The following IQCE variants were observed in gnomAD, a reference collection of about 807,000 sequenced individuals.
IQCE encodes the protein IQ motif containing E.
IQCE carries 115 observed loss-of-function variants against 96.0 expected under a neutral mutation model. The ratio of observed to expected loss-of-function variants is 1.20; its 90% CI spans 1.03 to 1.40. The LOEUF is 1.40. Among genes scored for constraint, IQCE ranks in the 40% most tolerant of loss-of-function variants. IQCE has a pLI of 0.00. For missense variants in IQCE, 1,041 were observed against 909.1 expected, an observed-to-expected ratio of 1.15 and a Z score of -1.87; for synonymous variants, 412 against 371.2, an observed-to-expected ratio of 1.11 and a Z score of -1.26.
At position 2,601,453 on chromosome 7, in the gene IQCE, G is replaced by A. The variant is rs1784426400; in HGVS notation, c.1621G>A (p.Val541Ile). Residue 541 changes from valine (V) to isoleucine (I), a missense_variant, in exon 18 of 22, where the codon GTT (valine) becomes ATT (isoleucine). Coordinates refer to ENST00000402050, the MANE Select transcript of IQCE (RefSeq NM_152558.5). ...TTTTTTTTTCCAGAAAAAAAAGGCT[G>A]TTCTGGATGAGGTAAGCGAGGTTTA... ...KVYKHKKKKA[V>I]LDEAAVVLQA... is the part of the protein sequence containing the mutation. The A allele has an allele frequency of 3.2e-6, 5 of 1,576,610 alleles. No individual in the cohort carries two copies. The South Asian group carries it at 4.5e-5, about 14-fold the overall frequency.
At chr7:2,603,079 A>T (rs537367740) in intron 18 of IQCE, among the ~76,000 whole-genome samples, 23 of 152,212 alleles carry the variant, frequency 1.5e-4, no homozygotes, top group African/African-American at 5.1e-4. Context: ...ACCCTTGTCC[A>T]TACCCATCTC....
chr7:2,572,326 G>T lies in IQCE; in HGVS notation c.394G>T (p.Gly132Cys). The stretch of plus-strand genomic sequence containing the variant: ...ACATCTCAGGCGCTCTGCCAGCAAC[G>T]GTGAGCATGCCGATGGTGGCGAGGC... The part of the protein sequence containing the change: ...RPHLRRSASN[G>C]HVPGTPVYRE... Residue 132 changes from glycine to cysteine, a missense_variant and splice_region_variant, in exon 5 of 22, where the codon GGT (glycine) becomes TGT (cysteine). Coordinates refer to ENST00000402050, the MANE Select transcript of IQCE (RefSeq NM_152558.5). The T allele has an allele frequency of 6.2e-7, 1 of 1,613,630 alleles. No homozygotes were observed.
chr7:2,601,873 A>T, intron 18 of IQCE: 1 of 203,068 alleles, frequency 4.9e-6, no homozygotes, highest in Non-Finnish European at 9.9e-6. Context: ...ATGAAACCAA[A>T]CCAGACCCCA....
rs775073085 is a variant in IQCE at position 2,598,503 on chromosome 7, C to G, written c.1479C>G (p.His493Gln). ...ELPAPTPSSR[H>Q]CEQDWPPDSS... ...CAGCTCCCACTCCCAGCAGCAGGCA[C>G]TGCGAGCAAGACTGGCCGCCGGATT... The change falls in exon 17 of 22, where the codon CAC (histidine) becomes CAG (glutamine). Residue 493 changes from histidine to glutamine, a missense_variant. Transcript: ENST00000402050. The G allele has an allele frequency of 3.2e-5, 52 of 1,606,772 alleles. No individual in the cohort carries two copies. The highest frequency in any genetic ancestry group is 4.2e-5 in the Non-Finnish European group (49 of 1,176,546).
chr7:2,581,342 A>G (rs1339292326), intron 8 of IQCE, among the ~76,000 whole-genome samples: 1 of 151,570 alleles, frequency 6.6e-6, no homozygotes, highest in Non-Finnish European at 1.5e-5. Flanking sequence ...AGTAGTTGGG[A>G]TTACAAGCAC....
rs907691629 is a variant in IQCE at position 2,601,846 on chromosome 7, G to A, written c.1632+382G>A. 2.4e-5 allele frequency: 5 copies of A among 208,710 alleles called. No homozygotes were observed. In the South Asian group the frequency reaches 3.3e-4, roughly 14 times the overall value. 12.9% of individuals were successfully genotyped at this position (208,710 alleles called of 1,614,324 possible). A position where few individuals can be genotyped will look rare whatever the true frequency, so the allele number is the denominator to read the frequency against. ...ATTACAGGCGTGAGCCACCGCGCCC[G>A]GCAAGTCCTTCTTTTCATGAAACCA... is the stretch of plus-strand genomic sequence containing the variant. On this transcript the variant is annotated intron_variant, in intron 18 of 21. Transcript: ENST00000402050.
intron 21 of IQCE, among the ~76,000 whole-genome samples, chr7:2,607,896 G>A (rs1784945638): frequency 6.6e-6 from 1 of 152,212 alleles, no homozygotes; most frequent in Admixed American, 6.5e-5. Context: ...TCGGGAGATG[G>A]AGAAGGGCAG....
chr7:2,599,652 A>G lies in IQCE; in HGVS notation c.1608+1020A>G, dbSNP rs190480334. Among the ~76,000 whole-genome samples, 304 of 151,384 alleles carry G rather than the reference A, an allele frequency of 2.0e-3. 7 individuals carry two copies. The highest frequency in any genetic ancestry group is 0.016 in the Admixed American group (250 of 15,232). The stretch of plus-strand genomic sequence containing the variant: ...GTTGGGACTACAGGCAGGCACCACC[A>G]CACCTGGCCAATTTTTGTAGAGACG... On this transcript the variant is annotated intron_variant, in intron 17 of 21. Transcript: ENST00000402050.
At position 2,559,201 on chromosome 7, in the gene IQCE, A is replaced by C. The variant is rs1321925017; in HGVS notation, c.20A>C (p.Glu7Ala). 1 of 1,214,322 alleles carries C rather than the reference A, an allele frequency of 8.2e-7. No individual in the cohort carries two copies. The highest frequency in any genetic ancestry group is 1.0e-6 in the Non-Finnish European group (1 of 976,112). The allele number at this position is 1,214,322 out of a possible 1,614,324, so 75.2% of individuals were successfully genotyped here. Residue 7 changes from glutamate (E) to alanine (A), a missense_variant, in exon 1 of 22, where the codon GAG becomes GCG. Coordinates refer to ENST00000402050, the MANE Select transcript of IQCE (RefSeq NM_152558.5). ...GCCACCATGTTCCTGGGCACCGGGGAGCCGGCCTTGGACACGGTAAGAACG... is the reference window on the plus strand; with the variant it reads ...GCCACCATGTTCCTGGGCACCGGGGCGCCGGCCTTGGACACGGTAAGAACG... MFLGTG[E>A]PALDTGDDSL...
intron 16 of IQCE, among the ~76,000 whole-genome samples, chr7:2,595,792 C>T (rs1562667466): frequency 6.7e-6 from 1 of 148,402 alleles, no homozygotes; most frequent in Non-Finnish European, 1.5e-5. Context: ...CACTTGCCTT[C>T]CTGGAGGGTC....
chr7:2,584,115 G>A (rs1782912647), intron 10 of IQCE, 121 bp from the exon 11 acceptor site: 5 of 867,270 alleles, frequency 5.8e-6, no homozygotes, highest in Admixed American at 1.7e-5. Context: ...GATGAAGTGC[G>A]GCCACTTAGT....
In IQCE at chr7:2,593,046, G is replaced by T; in HGVS notation, c.1269G>T (p.Gln423His). 1 of 1,610,240 alleles carries T rather than the reference G, an allele frequency of 6.2e-7. No homozygotes were observed. The highest frequency in any genetic ancestry group is 1.1e-5 in the South Asian group (1 of 90,942). Residue 423 changes from glutamine (Q) to histidine (H), a missense_variant, in exon 15 of 22, where the codon CAG (glutamine) becomes CAT (histidine). By Grantham distance (24) the Gln-to-His change is conservative. Transcript: ENST00000402050. ...QRDLEVKQLL[Q>H]AKADLEKELE... ...GTTTGGAGGTGAAGCAGCTCCTGCA[G>T]GCGAAGGCCGACCTGGAGAAGGAGC...
At chr7:2,609,965 A>G in intron 21 of IQCE, 79 bp from the exon 22 acceptor site, 1 of 778,564 alleles carries the variant, frequency 1.3e-6, no homozygotes, top group Non-Finnish European at 2.2e-6. Flanking sequence ...GGGGAAGAGC[A>G]GACAGTGTAA....
chr7:2,607,444 A>AG, intron 21 of IQCE: 1 of 1,330,504 alleles, frequency 7.5e-7, no homozygotes, highest in Non-Finnish European at 9.6e-7. Context: ...GGAATTGCCG[A>AG]GGTCCTTGCT....
rs1393861897 is a variant in IQCE, at chr7:2,610,204, A to G, written c.*42A>G. On this transcript the variant is annotated 3_prime_UTR_variant, in exon 22 of 22. Coordinates refer to ENST00000402050, the MANE Select transcript of IQCE (RefSeq NM_152558.5). ...CCACGCCGTGATGGCAGCGCTGCCG[A>G]GGACATAGGAACCACGACTGGAAAG... 8.7e-7 allele frequency: 1 copy of G among 1,155,324 alleles called. No homozygotes were observed. Among genetic ancestry groups the G allele is most frequent in the African/African-American group, 1.5e-5 (1 of 66,286 alleles). The allele number at this position is 1,155,324 out of a possible 1,614,324, so 71.6% of individuals were successfully genotyped here. A position where few individuals can be genotyped will look rare whatever the true frequency, so the allele number is the denominator to read the frequency against.
chr7:2,592,723 G>A (rs185123039), intron 14 of IQCE, among the ~76,000 whole-genome samples: 126 of 152,330 alleles, frequency 8.3e-4, no homozygotes, highest in African/African-American at 1.7e-3. Context: ...TGCGAGGTCC[G>A]TGCCAATGAG....
rs1310544246 is a variant in IQCE at position 2,611,737 on chromosome 7, T to A, written c.*1575T>A. The A allele has an allele frequency of 6.6e-6, 1 of 152,232 alleles. No homozygotes were observed. Among genetic ancestry groups the A allele is most frequent in the Non-Finnish European group, 1.5e-5 (1 of 68,040 alleles). 9.4% of individuals were successfully genotyped at this position (152,232 alleles called of 1,614,324 possible). On this transcript the variant is annotated 3_prime_UTR_variant, in exon 22 of 22. Transcript: ENST00000402050. Reference sequence around the variant, plus strand: ...CCTGCGGTTCGAAGCCTGGCCCCTGTCTCCACTTAGCTTCTGTTTCTGCAG... The same window carrying A: ...CCTGCGGTTCGAAGCCTGGCCCCTGACTCCACTTAGCTTCTGTTTCTGCAG...
Position 2,610,593 on chromosome 7 carries a change from T to A in IQCE, c.*431T>A. 5.4e-6 allele frequency: 1 copy of A among 185,164 alleles called. No individual in the cohort carries two copies. Among genetic ancestry groups the A allele is most frequent in the Non-Finnish European group, 1.1e-5 (1 of 88,200 alleles). The allele number at this position is 185,164 out of a possible 1,614,324, so 11.5% of individuals were successfully genotyped here. A position where few individuals can be genotyped will look rare whatever the true frequency, so the allele number is the denominator to read the frequency against. Reference sequence around the variant, plus strand: ...CTCAACAACCAGGATTTGCTCGATCTCAGCCCAGCAGGCCAGGCAGACACA... The same window carrying A: ...CTCAACAACCAGGATTTGCTCGATCACAGCCCAGCAGGCCAGGCAGACACA... On this transcript the variant is annotated 3_prime_UTR_variant, in exon 22 of 22. Coordinates refer to ENST00000402050, the MANE Select transcript of IQCE (RefSeq NM_152558.5).
intron 16 of IQCE, among the ~76,000 whole-genome samples, chr7:2,595,314 C>G (rs1783939985): frequency 6.6e-6 from 1 of 152,186 alleles, no homozygotes; most frequent in Non-Finnish European, 1.5e-5. Flanking sequence ...GACGAAGGCT[C>G]AACCAGGCCC....
Sources: gnomAD v4.1 joint callset for allele counts (sites outside exome capture counted in the v4.1 genomes callset) on GRCh38, gnomAD v4.1.1 for gene constraint, MANE v1.5 for transcripts, NCBI Gene and HGNC (gene_info 2026-07-23, HGNC 2026-07-21) for gene names.